The following SEPTIN10 variants were observed in gnomAD, a reference collection of about 807,000 sequenced individuals.
SEPTIN10 encodes the protein septin 10, also known as septin-10.
Under a neutral mutation model 54.8 loss-of-function variants are expected in SEPTIN10, and 66 were observed. That is an observed-to-expected ratio of 1.21 (90% CI 0.99 to 1.48). The LOEUF (loss-of-function observed/expected upper bound fraction) is 1.48, where lower values mean the gene tolerates loss of function less well. SEPTIN10 is among the 40% of genes most tolerant of loss of function. The pLI is 0.00. For missense variants in SEPTIN10, 620 were observed against 545.6 expected (o/e 1.14, Z -1.36); for synonymous variants, 161 against 181.0 (o/e 0.89, Z 0.89).
intron 8 of SEPTIN10, among the ~76,000 whole-genome samples, chr2:109,553,853 CAAAA>C (rs796185454): frequency 9.5e-6 from 1 of 105,530 alleles, no homozygotes; most frequent in South Asian, 3.0e-4. Flanking sequence ...GACTCTGTCT[CAAAA>C]AAAAAAAAAA....
At position 109,553,193 on chromosome 2, in the gene SEPTIN10, CT is replaced by C; in HGVS notation, c.1054del (p.Arg352AspfsTer15). On this transcript the variant is annotated frameshift_variant, in exon 9 of 11. Transcript: ENST00000397712. LOFTEE classifies it high-confidence loss of function. ...CTGACGTTCACCATGGAACTCATGT[CT>C]TTTGGCTTCATAGGTCTCTTGAACA... ...VSVQETYEAK[R>X]HEFHGERQRK... 5.0e-6 allele frequency: 8 copies of C among 1,614,106 alleles called. No individual in the cohort carries two copies. Among genetic ancestry groups the C allele is most frequent in the Non-Finnish European group, 8.5e-7 (1 of 1,180,008 alleles).
chr2:109,579,089 GAC>G (rs992740335), intron 4 of SEPTIN10, among the ~76,000 whole-genome samples: 62 of 152,128 alleles, frequency 4.1e-4, no homozygotes, highest in Non-Finnish European at 1.0e-4. Context: ...TATCAGGAAA[GAC>G]AGAATATCAT....
intron 2 of SEPTIN10, among the ~76,000 whole-genome samples, chr2:109,588,259 G>A (rs1467741861): frequency 6.6e-6 from 1 of 151,978 alleles, no homozygotes. Flanking sequence ...TTCTTCAAGA[G>A]AAAGGAAAAT....
intron 4 of SEPTIN10, among the ~76,000 whole-genome samples, chr2:109,577,697 G>A (rs1006335564): frequency 6.6e-6 from 1 of 151,882 alleles, no homozygotes; most frequent in Admixed American, 6.6e-5. Context: ...AAGATCGCTT[G>A]AGGCCAGGAG....
intron 10 of SEPTIN10, chr2:109,544,854 A>C: frequency 2.5e-6 from 2 of 801,454 alleles, no homozygotes; most frequent in Non-Finnish European, 3.0e-6. Context: ...TATATCAATG[A>C]ACAAGATAAA....
intron 5 of SEPTIN10, among the ~76,000 whole-genome samples, chr2:109,571,311 G>C (rs184053546): frequency 6.6e-6 from 1 of 152,158 alleles, no homozygotes. Flanking sequence ...ATAGAAATGC[G>C]ATAGAAATAT....
At chr2:109,582,311 C>T (rs571125643) in intron 4 of SEPTIN10, among the ~76,000 whole-genome samples, 4 of 152,084 alleles carry the variant, frequency 2.6e-5, no homozygotes, top group Admixed American at 1.3e-4. Flanking sequence ...AGACTCAACG[C>T]TATTGCTGTT....
At position 109,568,013 on chromosome 2, in the gene SEPTIN10, A is replaced by G. The variant is rs1251545345; in HGVS notation, c.601-37T>C. ...AAAGAAAAACAAAATCTTACTGAGG[A>G]TTTTTTTTTTTAATCCTGCAGCTGT... On this transcript the variant is annotated intron_variant, in intron 5 of 10. Coordinates refer to ENST00000397712, the MANE Select transcript of SEPTIN10 (RefSeq NM_144710.5). The G allele has an allele frequency of 3.2e-6, 4 of 1,266,380 alleles. No individual in the cohort carries two copies. The East Asian group carries it at 8.7e-5, about 28-fold the overall frequency. The allele number at this position is 1,266,380 out of a possible 1,614,324, so 78.4% of individuals were successfully genotyped here. A position where few individuals can be genotyped will look rare whatever the true frequency, so the allele number is the denominator to read the frequency against.
intron 4 of SEPTIN10, among the ~76,000 whole-genome samples, chr2:109,579,240 C>A (rs980858861): frequency 2.6e-5 from 4 of 152,068 alleles, no homozygotes; most frequent in Non-Finnish European, 5.9e-5. Context: ...AAAGTAAAAC[C>A]AACTCTGAAT....
intron 1 of SEPTIN10, among the ~76,000 whole-genome samples, chr2:109,599,458 C>CAAAAA (rs55670927): frequency 4.7e-5 from 3 of 63,310 alleles, no homozygotes; most frequent in Non-Finnish European, 3.1e-5. Context: ...ACTCAGTCTC[C>CAAAAA]AAAAAAAAAA....
At chr2:109,580,193 A>G (rs1334415623) in intron 4 of SEPTIN10, among the ~76,000 whole-genome samples, 1 of 151,816 alleles carries the variant, frequency 6.6e-6, no homozygotes, top group Non-Finnish European at 1.5e-5. Flanking sequence ...AAAAAAAACT[A>G]AAAGAAAAAT....
At chr2:109,566,416 A>G (rs1413448474) in intron 6 of SEPTIN10, among the ~76,000 whole-genome samples, 1 of 152,124 alleles carries the variant, frequency 6.6e-6, no homozygotes, top group Non-Finnish European at 1.5e-5. Flanking sequence ...TGCTGGGATT[A>G]TAGGTGTGAG....
intron 8 of SEPTIN10, among the ~76,000 whole-genome samples, chr2:109,555,028 C>T (rs925221691): frequency 6.6e-6 from 1 of 152,128 alleles, no homozygotes; most frequent in Non-Finnish European, 1.5e-5. Flanking sequence ...ACAGCCGAAC[C>T]TGATCTTTGT....
At chr2:109,545,837 C>A in intron 10 of SEPTIN10, 1 of 1,435,146 alleles carries the variant, frequency 7.0e-7, no homozygotes. Flanking sequence ...TTGGCAAATA[C>A]TGAACACATA....
chr2:109,560,529 A>G (rs988043024), intron 8 of SEPTIN10, among the ~76,000 whole-genome samples: 4 of 152,182 alleles, frequency 2.6e-5, no homozygotes, highest in African/African-American at 9.7e-5. Context: ...CCCTGGTCAC[A>G]CATAGAATTA....
chr2:109,545,740 G>A, intron 10 of SEPTIN10: 8 of 1,428,278 alleles, frequency 5.6e-6, no homozygotes, highest in Non-Finnish European at 7.3e-6. Context: ...GCCACGGCTG[G>A]GCTATTCAAT....
In SEPTIN10 at chr2:109,562,784, C is replaced by T. The variant is rs541643255; in HGVS notation, c.1028+1582G>A. Among the ~76,000 whole-genome samples, 9 of 152,256 alleles carry T rather than the reference C, an allele frequency of 5.9e-5. No homozygotes were observed. In the East Asian group the frequency reaches 1.5e-3, roughly 26 times the overall value. ...CTCTGAGAAACACTAGGGAAGCTAA[C>T]TCGAGATGATTAATCTTTAGTGAAG... On this transcript the variant is annotated intron_variant, in intron 8 of 10. Transcript: ENST00000397712.
chr2:109,573,885 T>A (rs1688977932), intron 5 of SEPTIN10, among the ~76,000 whole-genome samples: 1 of 152,198 alleles, frequency 6.6e-6, no homozygotes, highest in South Asian at 2.1e-4. Context: ...CAAATTAAAA[T>A]GTATTTTACG....
intron 9 of SEPTIN10, among the ~76,000 whole-genome samples, chr2:109,548,082 A>G (rs1681780792): frequency 6.6e-6 from 1 of 152,174 alleles, no homozygotes; most frequent in African/African-American, 2.4e-5. Flanking sequence ...AATGAGAGGA[A>G]ATACAGATGA....
Sources: gnomAD v4.1 joint callset for allele counts (sites outside exome capture counted in the v4.1 genomes callset) on GRCh38, gnomAD v4.1.1 for gene constraint, MANE v1.5 for transcripts, NCBI Gene and HGNC (gene_info 2026-07-23, HGNC 2026-07-21) for gene names.